Variants in USP48 observed in about 807,000 individuals in gnomAD.
USP48 encodes ubiquitin carboxyl-terminal hydrolase 48.
USP48 carries 43 observed loss-of-function variants against 150.7 expected under a neutral mutation model. The observed-to-expected ratio is 0.29, with a 90% CI of 0.22 to 0.37. The LOEUF is 0.37. USP48 is among the 10% of genes least tolerant of loss of function. The probability of loss-of-function intolerance (pLI) is 1.00; values close to 1 mark genes in which losing one functional copy is unlikely to be tolerated. For missense variants in USP48, 813 were observed against 1,249.6 expected (o/e 0.65, Z 5.27); for synonymous variants, 396 against 425.9 (o/e 0.93, Z 0.86).
Position 21,724,027 on chromosome 1 carries a change from T to C in USP48, c.1519A>G (p.Ile507Val). The change falls in exon 12 of 27, where the codon ATT (isoleucine) becomes GTT (valine). Residue 507 changes from isoleucine to valine, a missense_variant. Coordinates refer to ENST00000308271, the MANE Select transcript of USP48 (RefSeq NM_032236.8). ...GAACACAGGCAAGCGTGATTATCAA[T>C]AGGTTTGGTAGGTGTTGATTCATCC... ...WLDESTPTKP[I>V]DNHACLCSHD... The C allele has an allele frequency of 1.2e-6, 2 of 1,614,184 alleles. No homozygotes were observed. The highest frequency in any genetic ancestry group is 2.2e-5 in the East Asian group (1 of 44,890).
At chr1:21,719,849 A>T (rs1315628275) in intron 14 of USP48, among the ~76,000 whole-genome samples, 1 of 152,318 alleles carries the variant, frequency 6.6e-6, no homozygotes, top group Admixed American at 6.5e-5. Context: ...GCGTCACTGC[A>T]CTCCAGCCTG....
At chr1:21,781,693 C>T (rs1014267960) in intron 1 of USP48, among the ~76,000 whole-genome samples, 1 of 152,218 alleles carries the variant, frequency 6.6e-6, no homozygotes, top group African/African-American at 2.4e-5. Context: ...GAGCTCGTGA[C>T]ACTGCACTCC....
intron 1 of USP48, among the ~76,000 whole-genome samples, chr1:21,772,998 G>T (rs1284826013): frequency 6.7e-6 from 1 of 150,276 alleles, no homozygotes. Context: ...GATGGCTCAC[G>T]CCTGTAATCC....
intron 6 of USP48, 53 bp downstream of exon 6, chr1:21,751,454 C>T (rs769217863): frequency 7.5e-7 from 1 of 1,334,378 alleles, no homozygotes; most frequent in Non-Finnish European, 1.1e-6. Context: ...GCATTCAGAA[C>T]AGCATTTAAC....
At chr1:21,687,939 G>A (rs115407143) in intron 24 of USP48, among the ~76,000 whole-genome samples, 117 of 152,280 alleles carry the variant, frequency 7.7e-4, no homozygotes, top group Non-Finnish European at 1.3e-3. Flanking sequence ...GTTAGGTGGT[G>A]GGATGAGGGG....
intron 5 of USP48, among the ~76,000 whole-genome samples, chr1:21,752,029 A>G (rs958139957): frequency 7.9e-5 from 12 of 151,906 alleles, no homozygotes; most frequent in East Asian, 3.8e-4. Context: ...AAAAAAAAAA[A>G]AAAAGAAAAG....
chr1:21,689,847 G>A (rs1268304877), intron 24 of USP48, 127 bp downstream of exon 24: 15 of 1,305,854 alleles, frequency 1.1e-5, no homozygotes, highest in Admixed American at 9.8e-5. Context: ...AAAACCCACA[G>A]CAGTCATTTA....
At chr1:21,708,314 C>T (rs2097679099) in intron 15 of USP48, among the ~76,000 whole-genome samples, 2 of 151,892 alleles carry the variant, frequency 1.3e-5, no homozygotes, top group African/African-American at 4.8e-5. Context: ...GCCTGGCCAA[C>T]ATGGCGAAAC....
chr1:21,740,375 A>G (rs1258737149), intron 8 of USP48, among the ~76,000 whole-genome samples: 1 of 152,254 alleles, frequency 6.6e-6, no homozygotes, highest in African/African-American at 2.4e-5. Flanking sequence ...TTTGGTTTAG[A>G]AGATTATCAA....
intron 15 of USP48, among the ~76,000 whole-genome samples, chr1:21,713,801 T>C (rs333188): frequency 0.77 from 116,338 of 151,996 alleles, 45,405 homozygotes; most frequent in Admixed American, 0.85. Flanking sequence ...CGAGGTCAAC[T>C]CATCTTCTCC....
intron 8 of USP48, among the ~76,000 whole-genome samples, chr1:21,740,321 TTCC>T (rs1375481758): frequency 2.0e-5 from 3 of 152,266 alleles, no homozygotes; most frequent in African/African-American, 7.2e-5. Context: ...CTGAATAGTA[TTCC>T]ATTGTGTATA....
At chr1:21,709,881 C>T (rs981361801) in intron 15 of USP48, among the ~76,000 whole-genome samples, 2 of 152,122 alleles carry the variant, frequency 1.3e-5, no homozygotes, top group Middle Eastern at 3.4e-3. Flanking sequence ...ATATATAGTC[C>T]TTCACTCTAC....
intron 15 of USP48, among the ~76,000 whole-genome samples, chr1:21,709,690 G>GGTC (rs1318710601): frequency 6.6e-6 from 1 of 152,094 alleles, no homozygotes; most frequent in Non-Finnish European, 1.5e-5. Context: ...AATGAGCAGA[G>GGTC]GAGACCACAG....
intron 1 of USP48, among the ~76,000 whole-genome samples, chr1:21,773,254 C>CAAAAAAAAAAAA (rs60704662): frequency 3.0e-5 from 2 of 66,170 alleles, no homozygotes; most frequent in Non-Finnish European, 3.1e-5. Context: ...GACTCGGTCT[C>CAAAAAAAAAAAA]AAAAAAAAAA....
chr1:21,735,138 C>T (rs979116807), intron 9 of USP48, among the ~76,000 whole-genome samples: 1 of 152,192 alleles, frequency 6.6e-6, no homozygotes, highest in Admixed American at 6.5e-5. Flanking sequence ...ATTAAATCTA[C>T]TATTCATCAT....
At chr1:21,766,738 G>A (rs1276652639) in intron 1 of USP48, among the ~76,000 whole-genome samples, 3 of 151,894 alleles carry the variant, frequency 2.0e-5, no homozygotes, top group Non-Finnish European at 4.4e-5. Context: ...GCCCAGGCTG[G>A]AGTGCACTGC....
chr1:21,687,789 G>A (rs529699076), intron 24 of USP48, among the ~76,000 whole-genome samples: 1 of 152,334 alleles, frequency 6.6e-6, no homozygotes, highest in Middle Eastern at 3.4e-3. Flanking sequence ...CTGCCCATGT[G>A]AAGTACAAAC....
At chr1:21,713,056 TTCCC>T (rs1426453849) in intron 15 of USP48, among the ~76,000 whole-genome samples, 2 of 151,766 alleles carry the variant, frequency 1.3e-5, no homozygotes, top group East Asian at 1.9e-4. Flanking sequence ...CCCTTTCTCA[TTCCC>T]TCCCTCCCTC....
chr1:21,736,394 T>C, intron 9 of USP48, 52 bp downstream of exon 9: 1 of 1,473,824 alleles, frequency 6.8e-7, no homozygotes, highest in Non-Finnish European at 9.2e-7. Context: ...CAAATATTTC[T>C]AGTAAAATAA....
Sources: allele counts gnomAD v4.1 joint callset (sites outside exome capture counted in the v4.1 genomes callset), GRCh38; gene constraint gnomAD v4.1.1; transcripts MANE v1.5; gene names NCBI Gene and HGNC (gene_info 2026-07-23, HGNC 2026-07-21).